The following AKR1C1 variants were observed in gnomAD, a reference collection of about 807,000 sequenced individuals.
AKR1C1 encodes aldo-keto reductase family 1 member C1, also known as 20 alpha-hydroxysteroid dehydrogenase.
Under a neutral mutation model 40.6 loss-of-function variants are expected in AKR1C1, and 32 were observed. The observed-to-expected ratio is 0.79, with a 90% confidence interval of 0.60 to 1.06. The LOEUF is 1.06. AKR1C1 is among the 50% of genes least tolerant of loss of function. AKR1C1 has a pLI of 0.00. For missense variants in AKR1C1, 320 were observed against 363.5 expected, an observed-to-expected ratio of 0.88 and a Z score of 0.97; for synonymous variants, 105 against 134.2, an observed-to-expected ratio of 0.78 and a Z score of 1.50.
chr10:4,968,842 T>C lies in AKR1C1; in HGVS notation c.468T>C (p.Asp156=). The change falls in exon 5 of 9, where the codon GAT becomes GAC. Residue 156 remains aspartate (D), a synonymous_variant. Transcript: ENST00000380872. ...CCCAGGCCGTGGAGAAGTGTAAAGA[T>C]GCAGGATTGGCCAAGTCCATCGGGG... ...ATWEAVEKCK[D]AGLAKSIGVS... 6.2e-7 allele frequency: 1 copy of C among 1,614,184 alleles called. No homozygotes were observed. The highest frequency in any genetic ancestry group is 8.5e-7 in the Non-Finnish European group (1 of 1,180,038).
intron 8 of AKR1C1, among the ~76,000 whole-genome samples, 154 bp from the exon 9 acceptor site, chr10:4,977,546 A>C (rs1224913451): frequency 6.6e-6 from 1 of 152,256 alleles, no homozygotes; most frequent in Non-Finnish European, 1.5e-5. Context: ...TGATAAAGTC[A>C]CATTCATTAA....
At chr10:4,976,102 G>T (rs1836522773) in intron 8 of AKR1C1, among the ~76,000 whole-genome samples, 169 bp downstream of exon 8, 1 of 139,214 alleles carries the variant, frequency 7.2e-6, no homozygotes. Flanking sequence ...TCTGTTCTCT[G>T]GCAGGGAGAG....
intron 1 of AKR1C1, among the ~76,000 whole-genome samples, chr10:4,964,553 A>C (rs1005345576): frequency 3.3e-5 from 5 of 152,210 alleles, no homozygotes; most frequent in African/African-American, 1.2e-4. Context: ...AAGCCTCTGA[A>C]ATACTTTCCA....
Position 4,968,904 on chromosome 10 carries a change from T to C in AKR1C1, c.530T>C (p.Leu177Pro), listed in dbSNP as rs1442940766. The C allele has an allele frequency of 1.9e-6, 3 of 1,614,066 alleles. No individual in the cohort carries two copies. The highest frequency in any genetic ancestry group is 2.7e-5 in the African/African-American group (2 of 74,926). ...AACCGCAGGCAGCTGGAGATGATCC[T>C]CAACAAGCCAGGGCTCAAGTACAAG... ...NFNRRQLEMI[L>P]NKPGLKYKPV... The change falls in exon 5 of 9, where the codon CTC becomes CCC. Residue 177 changes from leucine (L) to proline (P), a missense_variant. Physicochemically the swap from Leu to Pro is moderately conservative, Grantham distance 98. Transcript: ENST00000380872.
At chr10:4,977,655 G>C in intron 8 of AKR1C1, 45 bp from the exon 9 acceptor site, 1 of 1,611,706 alleles carries the variant, frequency 6.2e-7, no homozygotes, top group Non-Finnish European at 8.5e-7. Context: ...CGCTAGTAAC[G>C]GAGTCATTGC....
chr10:4,966,842 G>A (rs1836340560), intron 2 of AKR1C1, 85 bp from the exon 3 acceptor site: 1 of 1,261,326 alleles, frequency 7.9e-7, no homozygotes, highest in African/African-American at 1.5e-5. Flanking sequence ...TGAAGTAGTA[G>A]AAAATGTCTA....
chr10:4,972,294 C>T lies in AKR1C1; in HGVS notation c.664C>T (p.His222Tyr). 1 of 1,613,716 alleles carries T rather than the reference C, an allele frequency of 6.2e-7. No homozygotes were observed. Among genetic ancestry groups the T allele is most frequent in the South Asian group, 1.1e-5 (1 of 91,052 alleles). The change falls in exon 6 of 9, where the codon CAC becomes TAC. Residue 222 changes from histidine (H) to tyrosine (Y), a missense_variant. His to Tyr is a moderately conservative substitution (Grantham distance 83). Transcript: ENST00000380872. ...GGTTGCCTATAGTGCTCTGGGATCC[C>T]ACCGAGAAGAACCATGGTAATAAGA... ...VLVAYSALGS[H>Y]REEPWVDPNS... is the part of the protein sequence containing the mutation.
intron 7 of AKR1C1, among the ~76,000 whole-genome samples, chr10:4,974,192 G>A (rs1205755917): frequency 6.6e-6 from 1 of 150,896 alleles, no homozygotes; most frequent in African/African-American, 2.4e-5. Flanking sequence ...AATAACTGTG[G>A]AAATTATCAG....
At position 4,982,867 on chromosome 10, in the gene AKR1C1, C is replaced by T. The variant is rs782160775; in HGVS notation, c.*5125C>T. On this transcript the variant is annotated 3_prime_UTR_variant, in exon 9 of 9. Coordinates refer to ENST00000380872, the MANE Select transcript of AKR1C1 (RefSeq NM_001353.6). ...ATGCCTGCATGAGCTCAGCTGTTACCACTGCGTACCACACCCTGACCAGTC... is the reference window on the plus strand; with the variant it reads ...ATGCCTGCATGAGCTCAGCTGTTACTACTGCGTACCACACCCTGACCAGTC... 2.4e-5 allele frequency: 10 copies of T among 417,032 alleles called. No homozygotes were observed. Among genetic ancestry groups the T allele is most frequent in the African/African-American group, 4.1e-5 (2 of 48,990 alleles). 25.8% of individuals were successfully genotyped at this position (417,032 alleles called of 1,614,324 possible).
In AKR1C1 at chr10:4,982,719, C is replaced by G; in HGVS notation, c.*4977C>G. ...TGGGCAACTTAGGGCAAGCTCAAAT[C>G]CCACTGCTACCACCACAGCTGGTGC... On this transcript the variant is annotated 3_prime_UTR_variant, in exon 9 of 9. Coordinates refer to ENST00000380872, the MANE Select transcript of AKR1C1 (RefSeq NM_001353.6). 1 of 297,960 alleles carries G rather than the reference C, an allele frequency of 3.4e-6. No homozygotes were observed. The highest frequency in any genetic ancestry group is 4.3e-5 in the Admixed American group (1 of 23,520). The allele number at this position is 297,960 out of a possible 1,614,324, so 18.5% of individuals were successfully genotyped here. A position where few individuals can be genotyped will look rare whatever the true frequency, so the allele number is the denominator to read the frequency against.
chr10:4,972,707 G>A lies in AKR1C1; in HGVS notation c.804G>A (p.Leu268=), dbSNP rs553152589. ...RYQLQRGVVV[L]AKSYNEQRIR... ...AGCTACAGCGTGGGGTTGTGGTCCT[G>A]GCCAAGAGCTACAATGAGCAGCGCA... Residue 268 remains leucine, a synonymous_variant, in exon 7 of 9, where the codon CTG becomes CTA. Coordinates refer to ENST00000380872, the MANE Select transcript of AKR1C1 (RefSeq NM_001353.6). 4 of 1,612,462 alleles carry A rather than the reference G, an allele frequency of 2.5e-6. No individual in the cohort carries two copies. The African/African-American group carries it at 4.0e-5, about 16-fold the overall frequency.
intron 8 of AKR1C1, among the ~76,000 whole-genome samples, chr10:4,976,403 T>C (rs1419524475): frequency 6.6e-6 from 1 of 152,062 alleles, no homozygotes; most frequent in Non-Finnish European, 1.5e-5. Flanking sequence ...ATGGAATTGC[T>C]TGCTGGATCC....
intron 3 of AKR1C1, chr10:4,967,853 C>T (rs1263379269): frequency 4.7e-6 from 1 of 213,676 alleles, no homozygotes; most frequent in Admixed American, 5.6e-5. Context: ...TCCAAACTAG[C>T]CTTGAAAACA....
chr10:4,973,820 A>G (rs1836478042), intron 7 of AKR1C1, among the ~76,000 whole-genome samples: 1 of 151,970 alleles, frequency 6.6e-6, no homozygotes, highest in African/African-American at 2.4e-5. Context: ...ACTATTTCAT[A>G]TATTCTTAAG....
At chr10:4,972,005 T>A (rs1162166826) in intron 5 of AKR1C1, among the ~76,000 whole-genome samples, 196 bp from the exon 6 acceptor site, 1 of 150,682 alleles carries the variant, frequency 6.6e-6, no homozygotes, top group African/African-American at 2.5e-5. Flanking sequence ...GAGTTGCTTG[T>A]GCTCAGAAAT....
In AKR1C1 at chr10:4,972,608, C is replaced by G; in HGVS notation, c.705C>G (p.Leu235=). The change falls in exon 7 of 9, where the codon CTC becomes CTG. Residue 235 remains leucine, a synonymous_variant. Transcript: ENST00000380872. ...GGGTGGACCCGAACTCCCCGGTGCT[C>G]TTGGAGGACCCAGTCCTTTGTGCCT... ...EPWVDPNSPV[L]LEDPVLCALA... 6.2e-7 allele frequency: 1 copy of G among 1,613,858 alleles called. No individual in the cohort carries two copies. Among genetic ancestry groups the G allele is most frequent in the Non-Finnish European group, 8.5e-7 (1 of 1,180,014 alleles).
At position 4,978,373 on chromosome 10, in the gene AKR1C1, C is replaced by G. The variant is rs1564319713; in HGVS notation, c.*631C>G. 6.6e-6 allele frequency: 1 copy of G among 150,586 alleles called. No individual in the cohort carries two copies. Among genetic ancestry groups the G allele is most frequent in the Non-Finnish European group, 1.5e-5 (1 of 67,864 alleles). The allele number at this position is 150,586 out of a possible 1,614,324, so 9.3% of individuals were successfully genotyped here. A position where few individuals can be genotyped will look rare whatever the true frequency, so the allele number is the denominator to read the frequency against. On this transcript the variant is annotated 3_prime_UTR_variant, in exon 9 of 9. Transcript: ENST00000380872. ...ATGGGAAGGCTAAATAGGACAGAGTCGAGTACATCTCTGCTTGGAAAAACA... is the reference window on the plus strand; with the variant it reads ...ATGGGAAGGCTAAATAGGACAGAGTGGAGTACATCTCTGCTTGGAAAAACA...
At chr10:4,974,267 A>T (rs1554770225) in intron 7 of AKR1C1, among the ~76,000 whole-genome samples, 1 of 151,848 alleles carries the variant, frequency 6.6e-6, no homozygotes, top group African/African-American at 2.4e-5. Context: ...CATATGTGTT[A>T]TATAATATAT....
intron 7 of AKR1C1, among the ~76,000 whole-genome samples, chr10:4,973,870 A>G (rs1428702167): frequency 2.0e-5 from 3 of 149,702 alleles, no homozygotes; most frequent in Non-Finnish European, 3.0e-5. Flanking sequence ...TCCAGAATAC[A>G]TGCATATATA....
Sources: allele counts gnomAD v4.1 joint callset (sites outside exome capture counted in the v4.1 genomes callset), GRCh38; gene constraint gnomAD v4.1.1; transcripts MANE v1.5; gene names NCBI Gene and HGNC (gene_info 2026-07-23, HGNC 2026-07-21).